TMEM266: variants seen among roughly 807,000 people sequenced by gnomAD.
TMEM266 encodes transmembrane protein 266, also known as Hv1 related protein 1.
In TMEM266, 33 loss-of-function variants were observed where a neutral mutation model predicts 50.5. The ratio of observed to expected loss-of-function variants is 0.65; its 90% CI spans 0.50 to 0.87. TMEM266 has a LOEUF of 0.87. Ranked by LOEUF, TMEM266 falls within the 40% of genes least tolerant of loss-of-function variation. The pLI, the probability that TMEM266 is intolerant of heterozygous loss-of-function variation, is 0.00. For synonymous variants in TMEM266, 310 were observed against 292.3 expected (o/e 1.06, Z -0.62); for missense variants, 655 against 695.1 (o/e 0.94, Z 0.65).
Position 76,168,076 on chromosome 15 carries a change from C to T in TMEM266, c.457-1740C>T, listed in dbSNP as rs1399025433. ...AGAAGGAGAAACTGAGGCCCAGGGA[C>T]GGGATTTGACTTGCCCAAGGCCACA... is the stretch of plus-strand genomic sequence containing the variant. On this transcript the variant is annotated intron_variant, in intron 5 of 10. Transcript: ENST00000388942. This position sits in a 1 kb window ranked among gnomAD's most constrained non-coding sequence, Gnocchi z 4.4. Among the ~76,000 whole-genome samples, 3 of 152,208 alleles carry T rather than the reference C, an allele frequency of 2.0e-5. No homozygotes were observed. The highest frequency in any genetic ancestry group is 4.8e-5 in the African/African-American group (2 of 41,444).
Position 76,160,247 on chromosome 15 carries a change from A to T in TMEM266, c.456+79A>T. ...GGGAAACCAAGGTCTACTTCTCGAA[A>T]TGGTTTCTAGCATCAGGTCCCCTGC... is the stretch of plus-strand genomic sequence containing the variant. On this transcript the variant is annotated intron_variant, in intron 5 of 10. Transcript: ENST00000388942. The surrounding 1 kb of genome is among the most constrained non-coding windows in gnomAD (Gnocchi z 5.7). 1 of 1,415,862 alleles carries T rather than the reference A, an allele frequency of 7.1e-7. No individual in the cohort carries two copies. 87.7% of individuals were successfully genotyped at this position (1,415,862 alleles called of 1,614,324 possible). A position where few individuals can be genotyped will look rare whatever the true frequency, so the allele number is the denominator to read the frequency against.
intron 8 of TMEM266, 52 bp from the exon 9 acceptor site, chr15:76,191,916 G>A: frequency 2.7e-6 from 4 of 1,494,864 alleles, no homozygotes; most frequent in Admixed American, 2.1e-5. Context: ...CAGGCTGGAG[G>A]CCCCCGCCGG....
intron 8 of TMEM266, among the ~76,000 whole-genome samples, chr15:76,190,850 G>A (rs1012556077): frequency 6.6e-6 from 1 of 152,142 alleles, no homozygotes; most frequent in Non-Finnish European, 1.5e-5. Flanking sequence ...GACCTCTTAG[G>A]CAGGGCGCCC....
At chr15:76,096,467 C>A (rs2036921652) in intron 1 of TMEM266, among the ~76,000 whole-genome samples, 1 of 151,968 alleles carries the variant, frequency 6.6e-6, no homozygotes, top group Non-Finnish European at 1.5e-5. Context: ...GCACTGTGGT[C>A]TGAGAGACTG....
intron 8 of TMEM266, among the ~76,000 whole-genome samples, chr15:76,176,798 C>T (rs191584508): frequency 2.0e-4 from 31 of 152,312 alleles, no homozygotes; most frequent in African/African-American, 7.2e-4. Flanking sequence ...ATTCCTCCCC[C>T]ATTGCTGGGT....
intron 1 of TMEM266, among the ~76,000 whole-genome samples, chr15:76,092,080 C>T (rs191548258): frequency 1.6e-4 from 25 of 151,940 alleles, no homozygotes; most frequent in Admixed American, 1.1e-3. Context: ...TCATGTTGAG[C>T]GATATGATAG....
intron 7 of TMEM266, among the ~76,000 whole-genome samples, 157 bp downstream of exon 7, chr15:76,171,288 C>T (rs1183011030): frequency 1.3e-5 from 2 of 152,216 alleles, no homozygotes; most frequent in African/African-American, 2.4e-5. Context: ...CCTGCTCACT[C>T]GCCATCACGC....
Position 76,160,033 on chromosome 15 carries a change from C to A in TMEM266, c.383-62C>A. ...AGAGGTCTGGACGGATGCTGCGAAGCCCCCATAGCAACGCACCTAATTCCT... is the reference window on the plus strand; with the variant it reads ...AGAGGTCTGGACGGATGCTGCGAAGACCCCATAGCAACGCACCTAATTCCT... On this transcript the variant is annotated intron_variant, in intron 4 of 10. Transcript: ENST00000388942. The surrounding 1 kb of genome is among the most constrained non-coding windows in gnomAD (Gnocchi z 5.7). The A allele has an allele frequency of 2.7e-6, 4 of 1,504,184 alleles. No individual in the cohort carries two copies. The highest frequency in any genetic ancestry group is 1.1e-5 in the South Asian group (1 of 87,954). The allele number at this position is 1,504,184 out of a possible 1,614,324, so 93.2% of individuals were successfully genotyped here. A position where few individuals can be genotyped will look rare whatever the true frequency, so the allele number is the denominator to read the frequency against.
chr15:76,136,975 A>C (rs1327338747), intron 2 of TMEM266, among the ~76,000 whole-genome samples: 4 of 152,202 alleles, frequency 2.6e-5, no homozygotes, highest in Admixed American at 2.6e-4. Context: ...CGGGAATGCC[A>C]CTGGAGTGGT....
At chr15:76,201,963 C>T (rs549691876) in intron 9 of TMEM266, among the ~76,000 whole-genome samples, 2 of 152,290 alleles carry the variant, frequency 1.3e-5, no homozygotes, top group Admixed American at 1.3e-4. Flanking sequence ...CTGTCCAGGT[C>T]AGTACTAAGG....
chr15:76,140,616 G>C (rs1204135242), intron 3 of TMEM266, among the ~76,000 whole-genome samples: 2 of 152,260 alleles, frequency 1.3e-5, no homozygotes, highest in Admixed American at 1.3e-4. Flanking sequence ...GATATTTCAG[G>C]GCTTTTCAAT....
chr15:76,102,874 G>A (rs2142004739), intron 1 of TMEM266, among the ~76,000 whole-genome samples: 1 of 151,480 alleles, frequency 6.6e-6, no homozygotes, highest in Non-Finnish European at 1.5e-5. Flanking sequence ...AGTCAGTGTG[G>A]CTAGAGAGGT....
chr15:76,156,865 CGATGCTGCTGCCCA>C (rs904554805), intron 4 of TMEM266, 107 bp downstream of exon 4: 1 of 1,190,268 alleles, frequency 8.4e-7, no homozygotes, highest in Non-Finnish European at 1.2e-6. Context: ...CTGCCCCCGC[CGATGCTGCTGCCCA>C]GCCTCAGGCC....
intron 8 of TMEM266, among the ~76,000 whole-genome samples, chr15:76,183,387 A>T (rs1165174413): frequency 6.6e-6 from 1 of 152,158 alleles, no homozygotes; most frequent in East Asian, 1.9e-4. Flanking sequence ...AAGTGCAGGG[A>T]TTACAGGTGG....
rs116019022 is a variant in TMEM266, at chr15:76,184,400, A to G, written c.769-7568A>G. ...ATGGCCAACTACCAGTCATCTTCACAGTGGATGGAAAGGGGCCAAGGTCGA... is the reference window on the plus strand; with the variant it reads ...ATGGCCAACTACCAGTCATCTTCACGGTGGATGGAAAGGGGCCAAGGTCGA... On this transcript the variant is annotated intron_variant, in intron 8 of 10. Transcript: ENST00000388942. Among the ~76,000 whole-genome samples, 763 of 152,324 alleles carry G rather than the reference A, an allele frequency of 5.0e-3. 8 individuals are homozygous for G. The highest frequency in any genetic ancestry group is 0.018 in the African/African-American group (733 of 41,562).
intron 1 of TMEM266, among the ~76,000 whole-genome samples, chr15:76,129,393 G>A (rs1433327488): frequency 6.6e-6 from 1 of 152,154 alleles, no homozygotes; most frequent in Non-Finnish European, 1.5e-5. Flanking sequence ...TGTAATCCCA[G>A]CACTTTGGGA....
chr15:76,136,459 G>A (rs989057509), intron 2 of TMEM266, among the ~76,000 whole-genome samples: 9 of 152,154 alleles, frequency 5.9e-5, no homozygotes, highest in African/African-American at 1.7e-4. Flanking sequence ...TTCAGGAGGA[G>A]CCCTGCAGAA....
At chr15:76,111,006 GC>G (rs1368405919) in intron 1 of TMEM266, among the ~76,000 whole-genome samples, 2 of 151,926 alleles carry the variant, frequency 1.3e-5, no homozygotes, top group African/African-American at 4.8e-5. Context: ...AGGATGTGGA[GC>G]AACAGGAACT....
In TMEM266 at chr15:76,074,996, A is replaced by G. The variant is rs930339136; in HGVS notation, c.-97+14980A>G. ...GAACAATTGGAGGGATAAAATTGCC[A>G]TTTATTCCAGTGGAGATAGAGGAGG... On this transcript the variant is annotated intron_variant, in intron 1 of 10. Transcript: ENST00000388942. Among the ~76,000 whole-genome samples the G allele has an allele frequency of 6.6e-5, 10 of 152,206 alleles. No homozygotes were observed. The East Asian group carries it at 1.7e-3, about 26-fold the overall frequency.
Sources: allele counts gnomAD v4.1 joint callset (sites outside exome capture counted in the v4.1 genomes callset), GRCh38; gene constraint gnomAD v4.1.1; non-coding constraint Gnocchi (gnomAD v3.1); transcripts MANE v1.5; gene names NCBI Gene and HGNC (gene_info 2026-07-23, HGNC 2026-07-21).